Variants in HORMAD2 observed in about 807,000 individuals in gnomAD.
HORMAD2 encodes the protein HORMA domain-containing protein 2.
In HORMAD2, 45 loss-of-function variants were observed where a neutral mutation model predicts 38.8. The observed-to-expected ratio is 1.16, with a 90% CI of 0.91 to 1.49. The LOEUF (loss-of-function observed/expected upper bound fraction) is 1.49. Ranked by LOEUF, HORMAD2 falls within the 40% of genes most tolerant of loss-of-function variation. The pLI is 0.00. For synonymous variants in HORMAD2, 126 were observed against 122.8 expected (o/e 1.03, Z -0.17); for missense variants, 338 against 367.0 (o/e 0.92, Z 0.65).
chr22:30,158,583 C>CTCCTCCCT (rs1555953547), intron 10 of HORMAD2, among the ~76,000 whole-genome samples: 1 of 81,692 alleles, frequency 1.2e-5, no homozygotes, highest in Non-Finnish European at 2.2e-5. Flanking sequence ...CCTTCCCCTT[C>CTCCTCCCT]TCCTTCCTTC....
At chr22:30,205,414 C>T in the HORMAD2 span, among the ~76,000 whole-genome samples, 25 of 152,318 alleles carry the variant, frequency 1.6e-4, no homozygotes, top group Non-Finnish European at 3.4e-4. Context: ...CCTGGATGAC[C>T]TCAGCCAGCT....
intron 10 of HORMAD2, among the ~76,000 whole-genome samples, chr22:30,131,322 A>G (rs1398231028): frequency 3.3e-5 from 5 of 152,178 alleles, no homozygotes; most frequent in Non-Finnish European, 4.4e-5. Context: ...TTAAGTCATT[A>G]TAGTTCTTTG....
chr22:30,150,929 G>C (rs1924709423), intron 10 of HORMAD2, among the ~76,000 whole-genome samples: 1 of 152,178 alleles, frequency 6.6e-6, no homozygotes, highest in African/African-American at 2.4e-5. Flanking sequence ...GGGTGGAAGA[G>C]GAACAACTGT....
chr22:30,094,804 G>A (rs1189017283), intron 2 of HORMAD2, among the ~76,000 whole-genome samples: 1 of 152,174 alleles, frequency 6.6e-6, no homozygotes, highest in Non-Finnish European at 1.5e-5. Context: ...CCCAGCATAT[G>A]CCTTGGCTCA....
chr22:30,205,253 C>T, the HORMAD2 span, among the ~76,000 whole-genome samples: 2 of 152,026 alleles, frequency 1.3e-5, no homozygotes, highest in African/African-American at 2.4e-5. Flanking sequence ...CCTAAGGTCA[C>T]GGAGCCAGCA....
the HORMAD2 span, among the ~76,000 whole-genome samples, chr22:30,199,828 G>A: frequency 7.3e-5 from 11 of 151,170 alleles, no homozygotes; most frequent in Admixed American, 5.3e-4. Context: ...AGTCAAGGAT[G>A]GCCCGGGCAC....
At chr22:30,152,855 T>G (rs1297673442) in intron 10 of HORMAD2, among the ~76,000 whole-genome samples, 4 of 152,314 alleles carry the variant, frequency 2.6e-5, no homozygotes, top group African/African-American at 7.2e-5. Context: ...GGAAGATTCA[T>G]CCATTCTCAG....
intron 5 of HORMAD2, among the ~76,000 whole-genome samples, chr22:30,108,898 CTCTT>C (rs1475601097): frequency 2.6e-5 from 4 of 151,652 alleles, no homozygotes; most frequent in South Asian, 4.2e-4. Flanking sequence ...TTTTTCTTTT[CTCTT>C]TCTTTCTCTC....
Position 30,082,216 on chromosome 22 carries a change from C to T in HORMAD2, c.-38+1725C>T, listed in dbSNP as rs2068493733. Among the ~76,000 whole-genome samples, 3 of 152,122 alleles carry T rather than the reference C, an allele frequency of 2.0e-5. 1 individual carries two copies. In the South Asian group the frequency reaches 6.2e-4, roughly 32 times the overall value. The stretch of plus-strand genomic sequence containing the variant: ...TAAGGAAGGTAATATAGTTACATTT[C>T]AGAATCCAGCTATTGGATAGTGTTC... On this transcript the variant is annotated intron_variant, in intron 1 of 10. Transcript: ENST00000336726.
chr22:30,144,730 G>A (rs762597380), intron 10 of HORMAD2, among the ~76,000 whole-genome samples: 16 of 151,970 alleles, frequency 1.1e-4, no homozygotes, highest in Non-Finnish European at 5.9e-5. Flanking sequence ...CAGCATTCTC[G>A]GTGGTACAGT....
chr22:30,188,262 G>A, the HORMAD2 span, among the ~76,000 whole-genome samples: 1 of 152,018 alleles, frequency 6.6e-6, no homozygotes, highest in Non-Finnish European at 1.5e-5. Context: ...AAAAACTCTT[G>A]GGAGCACAAG....
At chr22:30,097,140 A>G (rs2068797043) in intron 2 of HORMAD2, among the ~76,000 whole-genome samples, 1 of 152,230 alleles carries the variant, frequency 6.6e-6, no homozygotes, top group African/African-American at 2.4e-5. Context: ...ATTATGACAA[A>G]CAGATCAAAT....
chr22:30,143,672 G>A (rs962491249), intron 10 of HORMAD2, among the ~76,000 whole-genome samples: 4 of 152,112 alleles, frequency 2.6e-5, no homozygotes, highest in African/African-American at 9.7e-5. Context: ...TTACTCAGAA[G>A]TGCAGCCTTA....
chr22:30,156,312 TTC>T (rs368144970), intron 10 of HORMAD2, among the ~76,000 whole-genome samples: 1,584 of 152,312 alleles, frequency 0.01, 27 homozygotes, highest in African/African-American at 0.036. Flanking sequence ...GCTGTAACAT[TTC>T]TGTTCCCTTT....
At chr22:30,166,920 A>T (rs573868316) in intron 10 of HORMAD2, among the ~76,000 whole-genome samples, 1 of 152,338 alleles carries the variant, frequency 6.6e-6, no homozygotes, top group South Asian at 2.1e-4. Flanking sequence ...AGGGAAAAGA[A>T]TGTGGTATGT....
chr22:30,201,477 C>T, the HORMAD2 span, among the ~76,000 whole-genome samples: 13 of 140,632 alleles, frequency 9.2e-5, no homozygotes, highest in East Asian at 1.9e-3. Context: ...AGTGCAGTGG[C>T]GCGATCTCAG....
At chr22:30,144,069 T>C (rs1450963568) in intron 10 of HORMAD2, among the ~76,000 whole-genome samples, 1 of 152,162 alleles carries the variant, frequency 6.6e-6, no homozygotes, top group Admixed American at 6.5e-5. Flanking sequence ...AAGCCTCAGA[T>C]ATTTCTTTGT....
intron 1 of HORMAD2, among the ~76,000 whole-genome samples, chr22:30,093,198 A>G (rs1001606374): frequency 3.3e-5 from 5 of 151,986 alleles, no homozygotes; most frequent in Non-Finnish European, 5.9e-5. Flanking sequence ...CATTGTAGCA[A>G]TCTTTCACTT....
the HORMAD2 span, among the ~76,000 whole-genome samples, chr22:30,199,856 T>A: frequency 3.9e-5 from 6 of 151,952 alleles, no homozygotes; most frequent in South Asian, 1.2e-3. Flanking sequence ...ATGCCTGTAA[T>A]CTCAGCACTT....
Sources: gnomAD v4.1 joint callset for allele counts (sites outside exome capture counted in the v4.1 genomes callset) on GRCh38, gnomAD v4.1.1 for gene constraint, MANE v1.5 for transcripts, NCBI Gene and HGNC (gene_info 2026-07-23, HGNC 2026-07-21) for gene names.